The following SORCS2 variants were observed in gnomAD, a reference collection of about 807,000 sequenced individuals.
The protein encoded by SORCS2 is sortilin related VPS10 domain containing receptor 2, also known as VPS10 domain-containing receptor SorCS2.
In SORCS2, 100 loss-of-function variants were observed where a neutral mutation model predicts 141.6. The ratio of observed to expected loss-of-function variants is 0.71; its 90% CI spans 0.60 to 0.83. The LOEUF (loss-of-function observed/expected upper bound fraction) is 0.83. Ranked by LOEUF, SORCS2 falls within the 40% of genes least tolerant of loss-of-function variation. The probability of loss-of-function intolerance (pLI) is 0.00; values close to 1 mark genes in which losing one functional copy is unlikely to be tolerated. For synonymous variants in SORCS2, 789 were observed against 676.9 expected (o/e 1.17, Z -2.57); for missense variants, 1,646 against 1,560.2 (o/e 1.05, Z -0.93).
intron 2 of SORCS2, among the ~76,000 whole-genome samples, chr4:7,443,035 C>G (rs1727775884): frequency 6.6e-6 from 1 of 152,224 alleles, no homozygotes; most frequent in Non-Finnish European, 1.5e-5. Flanking sequence ...GCTTTCTTCT[C>G]TGTGTCCAAA....
At chr4:7,291,029 C>T (rs1318392936) in intron 1 of SORCS2, among the ~76,000 whole-genome samples, 1 of 152,138 alleles carries the variant, frequency 6.6e-6, no homozygotes, top group African/African-American at 2.4e-5. Flanking sequence ...GACAAGGTCT[C>T]TCTGAGGTGG....
chr4:7,724,579 A>ATGGTGG (rs1323871824), intron 19 of SORCS2, among the ~76,000 whole-genome samples: 2 of 37,642 alleles, frequency 5.3e-5, no homozygotes, highest in South Asian at 2.5e-3. Flanking sequence ...GGTGATGGTG[A>ATGGTGG]TGGTGGTGGT....
chr4:7,673,322 T>C (rs1477733446), intron 8 of SORCS2, among the ~76,000 whole-genome samples: 1 of 152,248 alleles, frequency 6.6e-6, no homozygotes, highest in Non-Finnish European at 1.5e-5. Flanking sequence ...TAGGAGTTTA[T>C]GTCATGGAAA....
At chr4:7,538,871 A>T (rs1469382009) in intron 3 of SORCS2, among the ~76,000 whole-genome samples, 1 of 152,190 alleles carries the variant, frequency 6.6e-6, no homozygotes, top group East Asian at 1.9e-4. Flanking sequence ...AAGAAGCTCA[A>T]AGTATTGCGG....
chr4:7,403,130 G>T (rs1033805429), intron 2 of SORCS2, among the ~76,000 whole-genome samples: 1 of 152,122 alleles, frequency 6.6e-6, no homozygotes, highest in African/African-American at 2.4e-5. Context: ...CTGATGGATG[G>T]TGTATTAGTC....
intron 1 of SORCS2, among the ~76,000 whole-genome samples, chr4:7,369,179 C>T (rs560014291): frequency 7.2e-5 from 11 of 152,158 alleles, no homozygotes; most frequent in South Asian, 4.2e-4. Flanking sequence ...GAAGTGGTGG[C>T]GTGCACCTGT....
chr4:7,302,740 G>C (rs1273537087), intron 1 of SORCS2, among the ~76,000 whole-genome samples: 1 of 149,536 alleles, frequency 6.7e-6, no homozygotes, highest in Non-Finnish European at 1.5e-5. Context: ...TTTGAGAGCA[G>C]TGTCCGGCAT....
At position 7,598,136 on chromosome 4, in the gene SORCS2, T is replaced by C. The variant is rs147805610; in HGVS notation, c.649-40192T>C. 1.1e-3 allele frequency among the ~76,000 whole-genome samples: 173 copies of C among 152,110 alleles called. 1 individual carries two copies. Among genetic ancestry groups the C allele is most frequent in the African/African-American group, 3.9e-3 (161 of 41,504 alleles). On this transcript the variant is annotated intron_variant, in intron 3 of 26. Transcript: ENST00000507866. ...GGCGTAAGCCACCCTGCCCGGCTAA[T>C]TTTTGTATTTTTAGAAGAGACGGGG...
intron 4 of SORCS2, among the ~76,000 whole-genome samples, chr4:7,640,557 C>A (rs796754027): frequency 3.0e-4 from 45 of 151,466 alleles, no homozygotes; most frequent in Admixed American, 7.9e-4. Flanking sequence ...TCTCCCTCTG[C>A]GCCTGCTTTC....
chr4:7,471,032 G>A (rs1377909305), intron 2 of SORCS2, among the ~76,000 whole-genome samples: 2 of 152,176 alleles, frequency 1.3e-5, no homozygotes, highest in African/African-American at 4.8e-5. Context: ...AGACCCAAAT[G>A]AGGGGGCTGC....
At chr4:7,376,723 A>G (rs1722679709) in intron 1 of SORCS2, among the ~76,000 whole-genome samples, 2 of 152,212 alleles carry the variant, frequency 1.3e-5, no homozygotes, top group South Asian at 2.1e-4. Context: ...ATACATAGGT[A>G]TGCCTGAATA....
At chr4:7,600,436 G>A (rs539601007) in intron 3 of SORCS2, among the ~76,000 whole-genome samples, 3 of 152,178 alleles carry the variant, frequency 2.0e-5, no homozygotes, top group Non-Finnish European at 2.9e-5. Flanking sequence ...AAACAGCACC[G>A]TCCCCACCCA....
rs554930351 is a variant in SORCS2 at position 7,683,003 on chromosome 4, G to T, written c.1488+114G>T. The stretch of plus-strand genomic sequence containing the variant: ...CTGAGAAGGACCATCTGAGACACAT[G>T]AACCACCTATTTCTGCTGGGTGTGG... On this transcript the variant is annotated intron_variant, in intron 10 of 26. Coordinates refer to ENST00000507866, the MANE Select transcript of SORCS2 (RefSeq NM_020777.3). The T allele has an allele frequency of 6.7e-5, 88 of 1,311,024 alleles. 1 individual carries two copies. The African/African-American group carries it at 1.2e-3, about 18-fold the overall frequency. The allele number at this position is 1,311,024 out of a possible 1,614,324, so 81.2% of individuals were successfully genotyped here.
intron 1 of SORCS2, among the ~76,000 whole-genome samples, chr4:7,208,074 C>T (rs975381335): frequency 2.0e-5 from 3 of 152,068 alleles, no homozygotes; most frequent in African/African-American, 7.2e-5. Context: ...CCAGCTTGGC[C>T]TATGAAGGCA....
intron 3 of SORCS2, 30 bp from the exon 4 acceptor site, chr4:7,638,298 C>A: frequency 6.7e-7 from 1 of 1,494,736 alleles, no homozygotes; most frequent in Non-Finnish European, 8.9e-7. Context: ...GGCACCTGGC[C>A]CAGGCCTCAC....
chr4:7,600,169 T>C (rs1374341983), intron 3 of SORCS2, among the ~76,000 whole-genome samples: 1 of 152,178 alleles, frequency 6.6e-6, no homozygotes. Flanking sequence ...GGTGTTTGTG[T>C]AACCCTCTTT....
intron 2 of SORCS2, among the ~76,000 whole-genome samples, chr4:7,448,481 C>T (rs1728148495): frequency 2.4e-5 from 1 of 41,412 alleles, no homozygotes; most frequent in Admixed American, 3.1e-4. Context: ...CTTCCTTCTT[C>T]CATGTCTCCC....
intron 3 of SORCS2, among the ~76,000 whole-genome samples, chr4:7,565,202 C>T (rs1046506492): frequency 6.6e-6 from 1 of 152,138 alleles, no homozygotes; most frequent in African/African-American, 2.4e-5. Context: ...AATGACTAGT[C>T]CCTGAAGAAG....
At chr4:7,222,799 C>T (rs989523761) in intron 1 of SORCS2, among the ~76,000 whole-genome samples, 1 of 151,962 alleles carries the variant, frequency 6.6e-6, no homozygotes, top group Non-Finnish European at 1.5e-5. Context: ...GGGTGCTGGG[C>T]ACGGCAGCTG....
Sources: gnomAD v4.1 joint callset for allele counts (sites outside exome capture counted in the v4.1 genomes callset) on GRCh38, gnomAD v4.1.1 for gene constraint, MANE v1.5 for transcripts, NCBI Gene and HGNC (gene_info 2026-07-23, HGNC 2026-07-21) for gene names.